The following CABCOCO1 variants were observed in gnomAD, a reference collection of about 807,000 sequenced individuals.
CABCOCO1 encodes ciliary-associated calcium-binding coiled-coil protein 1.
In CABCOCO1, 28 loss-of-function variants were observed where a neutral mutation model predicts 35.7. The ratio of observed to expected loss-of-function variants is 0.78; its 90% CI spans 0.58 to 1.07. CABCOCO1 has a LOEUF of 1.07. Among genes scored for constraint, CABCOCO1 ranks in the 50% least tolerant of loss-of-function variants. The pLI, the probability that CABCOCO1 is intolerant of heterozygous loss-of-function variation, is 0.00. For missense variants in CABCOCO1, 326 were observed against 309.2 expected, an observed-to-expected ratio of 1.05 and a Z score of -0.41; for synonymous variants, 95 against 100.1, an observed-to-expected ratio of 0.95 and a Z score of 0.30.
At chr10:61,734,009 GCAAA>G (rs1189889379) in intron 5 of CABCOCO1, among the ~76,000 whole-genome samples, 3 of 152,002 alleles carry the variant, frequency 2.0e-5, no homozygotes, top group African/African-American at 4.8e-5. Flanking sequence ...CAAAAAATGT[GCAAA>G]CAGTGATTCT....
rs1839042582 is a variant in CABCOCO1 at position 61,662,933 on chromosome 10, A to C, written c.-40A>C. 2.6e-6 allele frequency: 1 copy of C among 385,234 alleles called. No individual in the cohort carries two copies. Among genetic ancestry groups the C allele is most frequent in the Non-Finnish European group, 5.4e-6 (1 of 183,788 alleles). The allele number at this position is 385,234 out of a possible 1,614,324, so 23.9% of individuals were successfully genotyped here. A position where few individuals can be genotyped will look rare whatever the true frequency, so the allele number is the denominator to read the frequency against. ...GACGCCGGCCCCACCCCAGTTGCCT[A>C]GGTGACGAGGGGCCGCTTCTCTCGG... On this transcript the variant is annotated 5_prime_UTR_variant, in exon 1 of 8. Transcript: ENST00000648843.
At chr10:61,693,218 C>A (rs1840201358) in intron 5 of CABCOCO1, among the ~76,000 whole-genome samples, 1 of 152,048 alleles carries the variant, frequency 6.6e-6, no homozygotes. Flanking sequence ...CCACTCATGG[C>A]ATTTTAAAGG....
chr10:61,756,664 G>A (rs909463277), intron 5 of CABCOCO1, among the ~76,000 whole-genome samples: 1 of 152,048 alleles, frequency 6.6e-6, no homozygotes, highest in Non-Finnish European at 1.5e-5. Flanking sequence ...ATGGATGTAT[G>A]TGTATAATCA....
chr10:61,696,026 G>A (rs1236736210), intron 5 of CABCOCO1, among the ~76,000 whole-genome samples: 1 of 151,956 alleles, frequency 6.6e-6, no homozygotes, highest in East Asian at 1.9e-4. Flanking sequence ...GACAGATTAA[G>A]ATGGATGGAT....
At chr10:61,747,820 T>C (rs1841696247) in intron 5 of CABCOCO1, among the ~76,000 whole-genome samples, 1 of 152,204 alleles carries the variant, frequency 6.6e-6, no homozygotes, top group Non-Finnish European at 1.5e-5. Flanking sequence ...GTTCCCTGAA[T>C]CAAGTAAATT....
chr10:61,700,443 T>C (rs1385795548), intron 5 of CABCOCO1, among the ~76,000 whole-genome samples: 1 of 152,076 alleles, frequency 6.6e-6, no homozygotes, highest in Non-Finnish European at 1.5e-5. Context: ...TTTCACCCTT[T>C]ACAGTACTCA....
intron 5 of CABCOCO1, among the ~76,000 whole-genome samples, chr10:61,734,390 G>A (rs1043357598): frequency 1.3e-5 from 2 of 151,838 alleles, no homozygotes; most frequent in Non-Finnish European, 2.9e-5. Context: ...TTTCTAATTT[G>A]CGACTGCCAG....
rs186408867 is a variant in CABCOCO1 at position 61,758,238 on chromosome 10, G to A, written c.553-1821G>A. 9.9e-5 allele frequency among the ~76,000 whole-genome samples: 15 copies of A among 152,012 alleles called. No individual in the cohort carries two copies. The East Asian group carries it at 1.7e-3, about 18-fold the overall frequency. On this transcript the variant is annotated intron_variant, in intron 5 of 7. Coordinates refer to ENST00000648843, the MANE Select transcript of CABCOCO1 (RefSeq NM_001366906.2). ...AGTAAATACCTCATCATCTTCCCTT[G>A]TCTCTGATTCCCATGTGCAGCTTAT...
intron 5 of CABCOCO1, among the ~76,000 whole-genome samples, chr10:61,720,095 T>C (rs1254311704): frequency 1.3e-5 from 2 of 151,944 alleles, no homozygotes; most frequent in Non-Finnish European, 2.9e-5. Flanking sequence ...AAAGACATCA[T>C]TGAAATAACA....
chr10:61,709,042 T>C (rs1840662768), intron 5 of CABCOCO1, among the ~76,000 whole-genome samples: 1 of 152,154 alleles, frequency 6.6e-6, no homozygotes, highest in African/African-American at 2.4e-5. Flanking sequence ...TTTATGCCTT[T>C]TATGGTTAAA....
At chr10:61,690,646 A>T in intron 5 of CABCOCO1, 25 bp downstream of exon 5, 1 of 1,482,354 alleles carries the variant, frequency 6.7e-7, no homozygotes, top group Non-Finnish European at 9.4e-7. Context: ...TAGATGGAAC[A>T]AGTTAAGCAG....
intron 5 of CABCOCO1, among the ~76,000 whole-genome samples, chr10:61,695,841 G>T (rs1840279812): frequency 1.3e-5 from 2 of 151,926 alleles, no homozygotes. Context: ...CAAAGAATAT[G>T]AACAGACAAT....
At chr10:61,732,648 A>G (rs185050266) in intron 5 of CABCOCO1, among the ~76,000 whole-genome samples, 3 of 152,226 alleles carry the variant, frequency 2.0e-5, no homozygotes, top group Admixed American at 2.0e-4. Context: ...ATCTGTATCT[A>G]TAACTACTGC....
chr10:61,717,731 G>T (rs1055380559), intron 5 of CABCOCO1, among the ~76,000 whole-genome samples: 4 of 152,188 alleles, frequency 2.6e-5, no homozygotes, highest in African/African-American at 4.8e-5. Flanking sequence ...TCAGGAAAGG[G>T]AGGAATCACT....
chr10:61,760,607 T>C (rs1302045108), intron 6 of CABCOCO1, among the ~76,000 whole-genome samples: 3 of 151,572 alleles, frequency 2.0e-5, no homozygotes, highest in East Asian at 1.9e-4. Context: ...ATTTGGAGGG[T>C]GGGCAAGGAA....
rs549022211 is a variant in CABCOCO1, at chr10:61,738,060, A to G, written c.553-21999A>G. On this transcript the variant is annotated intron_variant, in intron 5 of 7. Transcript: ENST00000648843. The stretch of plus-strand genomic sequence containing the variant: ...ATAAATAAAATATCTTATTTAAAAA[A>G]AAAAAAAACAAAGACACCTCCCCCA... Among the ~76,000 whole-genome samples the G allele has an allele frequency of 1.2e-3, 175 of 151,600 alleles. 2 individuals carry two copies. Among genetic ancestry groups the G allele is most frequent in the African/African-American group, 4.0e-3 (166 of 41,464 alleles).
intron 5 of CABCOCO1, among the ~76,000 whole-genome samples, chr10:61,745,736 T>C (rs1476688212): frequency 6.6e-6 from 1 of 152,216 alleles, no homozygotes; most frequent in Non-Finnish European, 1.5e-5. Flanking sequence ...TGCTGCAGCA[T>C]AAAGCTTACT....
intron 5 of CABCOCO1, among the ~76,000 whole-genome samples, chr10:61,737,022 A>G (rs1841432796): frequency 6.6e-6 from 1 of 152,136 alleles, no homozygotes; most frequent in Non-Finnish European, 1.5e-5. Context: ...GAAGTTGATT[A>G]TCAGCTGAAG....
intron 5 of CABCOCO1, among the ~76,000 whole-genome samples, chr10:61,717,415 A>G (rs917719414): frequency 6.6e-6 from 1 of 152,072 alleles, no homozygotes; most frequent in Non-Finnish European, 1.5e-5. Context: ...CTTCATTTTT[A>G]ATATAATATT....
Sources: allele counts gnomAD v4.1 joint callset (sites outside exome capture counted in the v4.1 genomes callset), GRCh38; gene constraint gnomAD v4.1.1; transcripts MANE v1.5; gene names NCBI Gene and HGNC (gene_info 2026-07-23, HGNC 2026-07-21).